EHBP1: variants seen among roughly 807,000 people sequenced by gnomAD.
The protein encoded by EHBP1 is EH domain-binding protein 1.
In EHBP1, 55 loss-of-function variants were observed where a neutral mutation model predicts 144.0. The observed-to-expected ratio is 0.38, with a 90% CI of 0.31 to 0.48. The LOEUF (loss-of-function observed/expected upper bound fraction) is 0.48, where lower values mean the gene tolerates loss of function less well. Ranked by LOEUF, EHBP1 falls within the 20% of genes least tolerant of loss-of-function variation. The pLI, the probability that EHBP1 is intolerant of heterozygous loss-of-function variation, is 0.98. For synonymous variants in EHBP1, 469 were observed against 472.7 expected (o/e 0.99, Z 0.10); for missense variants, 1,200 against 1,364.2 (o/e 0.88, Z 1.90).
Position 62,926,708 on chromosome 2 carries a change from G to T in EHBP1, c.1186-16010G>T, listed in dbSNP as rs144307627. On this transcript the variant is annotated intron_variant, in intron 10 of 22. Coordinates refer to ENST00000431489, the MANE Select transcript of EHBP1 (RefSeq NM_001142616.3). ...CAAAAAAACAAATGCTGGAGAGGAT[G>T]CAGAGAAAAGGAAACTCTTAGATAC... is the stretch of plus-strand genomic sequence containing the variant. Among the ~76,000 whole-genome samples the T allele has an allele frequency of 4.0e-3, 604 of 152,180 alleles. 4 individuals carry two copies. The highest frequency in any genetic ancestry group is 0.034 in the Middle Eastern group (10 of 294).
At chr2:62,943,184 C>T (rs1407118855) in intron 11 of EHBP1, among the ~76,000 whole-genome samples, 6 of 152,044 alleles carry the variant, frequency 3.9e-5, no homozygotes, top group Admixed American at 3.9e-4. Flanking sequence ...TGAGACCAGC[C>T]TGACCAACAT....
chr2:62,900,005 C>T (rs1394943441), intron 10 of EHBP1, among the ~76,000 whole-genome samples: 2 of 152,140 alleles, frequency 1.3e-5, no homozygotes, highest in East Asian at 3.9e-4. Context: ...CAGGCAAACA[C>T]AAATTTTAGA....
intron 20 of EHBP1, among the ~76,000 whole-genome samples, chr2:63,038,528 C>CCTATG (rs2061535193): frequency 1.3e-5 from 2 of 152,048 alleles, no homozygotes; most frequent in Middle Eastern, 3.4e-3. Context: ...TTAAAATATA[C>CCTATG]CTATGTAACA....
At chr2:62,887,294 AAGAAGGGT>A (rs2052014729) in intron 10 of EHBP1, among the ~76,000 whole-genome samples, 1 of 152,126 alleles carries the variant, frequency 6.6e-6, no homozygotes, top group Admixed American at 6.5e-5. Flanking sequence ...TCTATTACTA[AAGAAGGGT>A]AGAATGGATA....
chr2:62,687,771 T>G (rs2033767140), intron 1 of EHBP1, among the ~76,000 whole-genome samples: 1 of 152,180 alleles, frequency 6.6e-6, no homozygotes, highest in Non-Finnish European at 1.5e-5. Context: ...CTCCAGAATC[T>G]GCACAGACCC....
At chr2:62,925,377 G>C (rs977229774) in intron 10 of EHBP1, among the ~76,000 whole-genome samples, 3 of 151,548 alleles carry the variant, frequency 2.0e-5, no homozygotes, top group African/African-American at 4.8e-5. Flanking sequence ...AAAAAAAAAG[G>C]CATCCAAATT....
At position 62,826,163 on chromosome 2, in the gene EHBP1, C is replaced by T. The variant is rs757526147; in HGVS notation, c.389C>T (p.Thr130Ile). ...AAACAGTATGCAAGCCCTATGCCAACTCAGACTGATGTCAAGTTAAAATTC... is the reference window on the plus strand; with the variant it reads ...AAACAGTATGCAAGCCCTATGCCAATTCAGACTGATGTCAAGTTAAAATTC... ...NMKQYASPMPTQTDVKLKFKP... is the reference protein window; with the variant it reads ...NMKQYASPMPIQTDVKLKFKP... The change falls in exon 6 of 23, where the codon ACT (threonine) becomes ATT (isoleucine). Residue 130 changes from threonine to isoleucine, a missense_variant. By Grantham distance (89) the Thr-to-Ile change is moderately conservative (BLOSUM62 -1). Around this residue, in one of 6 missense-constraint regions of EHBP1, gnomAD observed 137 missense variants for 190.1 expected, o/e 0.72. Transcript: ENST00000431489. The T allele has an allele frequency of 6.2e-7, 1 of 1,610,556 alleles. No individual in the cohort carries two copies. The highest frequency in any genetic ancestry group is 8.5e-7 in the Non-Finnish European group (1 of 1,178,330).
intron 3 of EHBP1, among the ~76,000 whole-genome samples, chr2:62,761,485 G>T (rs1375326549): frequency 2.0e-5 from 3 of 152,082 alleles, no homozygotes; most frequent in Non-Finnish European, 4.4e-5. Context: ...GATAAGATTT[G>T]CATGGACCTA....
chr2:62,865,058 C>G (rs1454909616), intron 9 of EHBP1, 87 bp downstream of exon 9: 7 of 1,401,722 alleles, frequency 5.0e-6, no homozygotes, highest in Non-Finnish European at 5.9e-6. Flanking sequence ...TAGATGGGTA[C>G]AAATCATTAA....
At chr2:62,724,678 G>C (rs1194047269) in intron 2 of EHBP1, among the ~76,000 whole-genome samples, 1 of 151,624 alleles carries the variant, frequency 6.6e-6, no homozygotes, top group African/African-American at 2.4e-5. Flanking sequence ...TGATGGCCTA[G>C]AGGAGGGGTT....
intron 15 of EHBP1, among the ~76,000 whole-genome samples, chr2:62,987,768 A>G (rs1021259835): frequency 1.3e-4 from 20 of 152,284 alleles, no homozygotes; most frequent in Non-Finnish European, 2.2e-4. Flanking sequence ...TGTTAATCCA[A>G]TAGTGAAAGA....
chr2:63,038,928 G>A, intron 21 of EHBP1, 112 bp downstream of exon 21: 6 of 957,130 alleles, frequency 6.3e-6, no homozygotes, highest in Non-Finnish European at 9.5e-6. Flanking sequence ...GGACCTTCCG[G>A]AATTGCAAAT....
intron 5 of EHBP1, among the ~76,000 whole-genome samples, chr2:62,801,807 T>A (rs1164362561): frequency 6.6e-6 from 1 of 152,246 alleles, no homozygotes; most frequent in Non-Finnish European, 1.5e-5. Flanking sequence ...TCACTCATTA[T>A]CTTTATAGAA....
chr2:63,015,308 C>G (rs1197833173), intron 19 of EHBP1, among the ~76,000 whole-genome samples: 1 of 152,248 alleles, frequency 6.6e-6, no homozygotes, highest in Non-Finnish European at 1.5e-5. Flanking sequence ...CTTGGACAAC[C>G]ATAGTTTTTA....
At chr2:62,990,949 A>C in intron 16 of EHBP1, 109 bp downstream of exon 16, 2 of 1,355,914 alleles carry the variant, frequency 1.5e-6, no homozygotes, top group South Asian at 3.1e-5. Flanking sequence ...CACCAATATT[A>C]AGATTAGGGT....
intron 5 of EHBP1, among the ~76,000 whole-genome samples, chr2:62,810,374 T>C (rs1214803228): frequency 6.6e-6 from 1 of 152,172 alleles, no homozygotes; most frequent in Non-Finnish European, 1.5e-5. Flanking sequence ...ATGATGAGGC[T>C]TGCTTGAATT....
chr2:62,754,841 G>A (rs563951697), intron 3 of EHBP1, among the ~76,000 whole-genome samples: 3 of 152,178 alleles, frequency 2.0e-5, no homozygotes, highest in Non-Finnish European at 2.9e-5. Context: ...TTGGGAAAGC[G>A]CAGTATGAGG....
At chr2:62,685,786 G>A (rs1174456871) in intron 1 of EHBP1, among the ~76,000 whole-genome samples, 1 of 152,046 alleles carries the variant, frequency 6.6e-6, no homozygotes, top group East Asian at 1.9e-4. Context: ...AGTGATTGGG[G>A]GTTGGGGAGG....
chr2:62,727,028 A>G (rs1015798538), intron 2 of EHBP1, among the ~76,000 whole-genome samples: 1 of 152,010 alleles, frequency 6.6e-6, no homozygotes, highest in African/African-American at 2.4e-5. Flanking sequence ...ACGCCCGACT[A>G]ATTTTTGTAT....
Sources: allele counts gnomAD v4.1 joint callset (sites outside exome capture counted in the v4.1 genomes callset), GRCh38; gene constraint gnomAD v4.1.1; regional missense constraint gnomAD v4.1.1; transcripts MANE v1.5; gene names NCBI Gene and HGNC (gene_info 2026-07-23, HGNC 2026-07-21).